Variants in TOPAZ1 observed in about 807,000 individuals in gnomAD.
TOPAZ1 encodes protein TOPAZ1.
In TOPAZ1, 66 loss-of-function variants were observed where a neutral mutation model predicts 172.2. The ratio of observed to expected loss-of-function variants is 0.38; its 90% CI spans 0.31 to 0.47. The LOEUF (loss-of-function observed/expected upper bound fraction) is 0.47. TOPAZ1 is among the 20% of genes least tolerant of loss of function. The pLI is 0.99. For synonymous variants in TOPAZ1, 681 were observed against 683.9 expected (o/e 1.00, Z 0.07); for missense variants, 1,822 against 1,972.4 (o/e 0.92, Z 1.44).
Position 44,244,256 on chromosome 3 carries a change from G to A in TOPAZ1, c.1750G>A (p.Val584Ile). The part of the protein sequence containing the change: ...SVSAVEPTLM[V>I]IKEPIIKDDK... ...TTCTGCAGTAGAACCTACTTTAATG[G>A]TTATAAAGGAACCTATAATCAAGGA... Residue 584 changes from valine to isoleucine, a missense_variant, in exon 2 of 20, where the codon GTT becomes ATT. Physicochemically the swap from Val to Ile is conservative, Grantham distance 29. Around this residue, in one of 2 missense-constraint regions of TOPAZ1, gnomAD observed 1,489 missense variants for 1,490.8 expected, o/e 1.00. Coordinates refer to ENST00000309765, the MANE Select transcript of TOPAZ1 (RefSeq NM_001145030.2). The A allele has an allele frequency of 1.9e-6, 3 of 1,549,398 alleles. No homozygotes were observed. The highest frequency in any genetic ancestry group is 2.6e-6 in the Non-Finnish European group (3 of 1,146,040).
chr3:44,319,364 C>T (rs1293814164), intron 16 of TOPAZ1, among the ~76,000 whole-genome samples: 1 of 151,856 alleles, frequency 6.6e-6, no homozygotes, highest in Non-Finnish European at 1.5e-5. Flanking sequence ...TATATACTTT[C>T]CAAAAAATGT....
At chr3:44,278,349 A>G (rs1019069499) in intron 8 of TOPAZ1, among the ~76,000 whole-genome samples, 1 of 152,122 alleles carries the variant, frequency 6.6e-6, no homozygotes, top group Non-Finnish European at 1.5e-5. Flanking sequence ...CTGTTGTTGT[A>G]GCCTTGTCTG....
At chr3:44,306,962 G>A (rs527927108) in intron 15 of TOPAZ1, among the ~76,000 whole-genome samples, 5 of 152,222 alleles carry the variant, frequency 3.3e-5, no homozygotes, top group Middle Eastern at 3.4e-3. Flanking sequence ...CAACACCTGA[G>A]TATCAGTTAT....
intron 2 of TOPAZ1, among the ~76,000 whole-genome samples, chr3:44,252,712 G>A (rs2125678928): frequency 6.6e-6 from 1 of 152,300 alleles, no homozygotes; most frequent in South Asian, 2.1e-4. Flanking sequence ...CCAGGGATAT[G>A]TTCCAGTAGT....
intron 8 of TOPAZ1, among the ~76,000 whole-genome samples, chr3:44,275,720 GTGGGA>G (rs1699946031): frequency 6.6e-6 from 1 of 151,898 alleles, no homozygotes; most frequent in Admixed American, 6.5e-5. Flanking sequence ...ATACCCAGTA[GTGGGA>G]TTGCTAAATC....
intron 13 of TOPAZ1, 128 bp from the exon 14 acceptor site, chr3:44,305,019 G>A: frequency 1.6e-6 from 1 of 639,662 alleles, no homozygotes; most frequent in South Asian, 2.3e-5. Context: ...TATAAGATGT[G>A]CAGATTTTGT....
rs1235810995 is a variant in TOPAZ1 at position 44,305,263 on chromosome 3, C to T, written c.3981C>T (p.Leu1327=). 4 of 1,544,552 alleles carry T rather than the reference C, an allele frequency of 2.6e-6. No individual in the cohort carries two copies. The highest frequency in any genetic ancestry group is 3.5e-6 in the Non-Finnish European group (4 of 1,145,040). The change falls in exon 14 of 20, where the codon CTC becomes CTT. Residue 1327 remains leucine (L), a synonymous_variant. Transcript: ENST00000309765. ...QTFCACIAET[L]TKNYEDERPD... is the part of the protein sequence containing the mutation. ...TTTGTGCTTGCATTGCTGAAACACT[C>T]ACAAAAAACTATGAAGATGAAAGAC...
chr3:44,306,462 A>T, intron 15 of TOPAZ1, 36 bp downstream of exon 15: 1 of 1,220,864 alleles, frequency 8.2e-7, no homozygotes, highest in Non-Finnish European at 1.2e-6. Context: ...CTTGGTATAG[A>T]GACTACTAGT....
At chr3:44,252,209 G>A (rs1699642129) in intron 2 of TOPAZ1, among the ~76,000 whole-genome samples, 2 of 152,082 alleles carry the variant, frequency 1.3e-5, no homozygotes, top group South Asian at 4.1e-4. Flanking sequence ...GATAATTAGA[G>A]GCCACAGAAG....
chr3:44,292,447 A>G (rs571572976), intron 12 of TOPAZ1, among the ~76,000 whole-genome samples: 1 of 152,326 alleles, frequency 6.6e-6, no homozygotes, highest in East Asian at 1.9e-4. Flanking sequence ...AGTGGCAGCT[A>G]TGGCAGAGAG....
chr3:44,300,721 C>T (rs1213396379), intron 12 of TOPAZ1, among the ~76,000 whole-genome samples: 1 of 151,960 alleles, frequency 6.6e-6, no homozygotes, highest in East Asian at 1.9e-4. Flanking sequence ...TCTCTACAAA[C>T]TAAACATGCA....
intron 19 of TOPAZ1, 133 bp from the exon 20 acceptor site, chr3:44,331,659 G>A: frequency 1.2e-6 from 1 of 801,672 alleles, no homozygotes; most frequent in East Asian, 2.7e-5. Context: ...AAAAAAGTTT[G>A]AAAGCCACTT....
intron 8 of TOPAZ1, among the ~76,000 whole-genome samples, chr3:44,277,088 G>A (rs1421870811): frequency 1.3e-5 from 2 of 152,094 alleles, no homozygotes; most frequent in African/African-American, 4.8e-5. Flanking sequence ...ACCACACCTG[G>A]CCCAGTATGG....
rs372698775 is a variant in TOPAZ1 at position 44,296,270 on chromosome 3, A to C, written c.3797+5384A>C. ...AGCTCCCACCTCACAAAACAAGGAA[A>C]AATAAGAGCAAAATAAACTCAAAGT... is the stretch of plus-strand genomic sequence containing the variant. On this transcript the variant is annotated intron_variant, in intron 12 of 19. Coordinates refer to ENST00000309765, the MANE Select transcript of TOPAZ1 (RefSeq NM_001145030.2). Among the ~76,000 whole-genome samples the C allele has an allele frequency of 7.9e-5, 12 of 152,310 alleles. No individual in the cohort carries two copies. In the East Asian group the frequency reaches 1.9e-3, roughly 24 times the overall value.
chr3:44,245,032 T>G lies in TOPAZ1; in HGVS notation c.2526T>G (p.Thr842=). The change falls in exon 2 of 20, where the codon ACT becomes ACG. Residue 842 remains threonine (T), a synonymous_variant. Coordinates refer to ENST00000309765, the MANE Select transcript of TOPAZ1 (RefSeq NM_001145030.2). ...GTGAAGTTAGGGGTAGAAAAATAAC[T>G]AAGAATTTTTCAGAGGTAGGGTTTC... The part of the protein sequence containing the change: ...VSSEVRGRKI[T]KNFSEVGFPD... The G allele has an allele frequency of 6.4e-7, 1 of 1,551,634 alleles. No individual in the cohort carries two copies. The highest frequency in any genetic ancestry group is 1.2e-5 in the South Asian group (1 of 84,050).
At chr3:44,258,280 A>G (rs1216740273) in intron 4 of TOPAZ1, among the ~76,000 whole-genome samples, 1 of 152,234 alleles carries the variant, frequency 6.6e-6, no homozygotes, top group Non-Finnish European at 1.5e-5. Context: ...TAATGCATAG[A>G]TATCTATCTA....
At chr3:44,288,440 T>C (rs1183337925) in intron 11 of TOPAZ1, among the ~76,000 whole-genome samples, 1 of 152,032 alleles carries the variant, frequency 6.6e-6, no homozygotes, top group Non-Finnish European at 1.5e-5. Context: ...TCCTAACACT[T>C]TGGGAGGCTG....
chr3:44,331,987 G>A lies in TOPAZ1; in HGVS notation c.5055G>A (p.Lys1685=). The A allele has an allele frequency of 1.3e-6, 2 of 1,548,980 alleles. No individual in the cohort carries two copies. Among genetic ancestry groups the A allele is most frequent in the Non-Finnish European group, 1.7e-6 (2 of 1,146,548 alleles). ...WLKENMKWAG[K]VWLFSNH Reference sequence around the variant, plus strand: ...AAGAGAATATGAAGTGGGCTGGAAAGGTTTGGCTTTTCAGTAACCATTAGC... The same window carrying A: ...AAGAGAATATGAAGTGGGCTGGAAAAGTTTGGCTTTTCAGTAACCATTAGC... Residue 1685 remains lysine, a synonymous_variant, in exon 20 of 20, where the codon AAG becomes AAA. Coordinates refer to ENST00000309765, the MANE Select transcript of TOPAZ1 (RefSeq NM_001145030.2).
chr3:44,281,563 T>C (rs1700023941), intron 8 of TOPAZ1, among the ~76,000 whole-genome samples: 1 of 152,204 alleles, frequency 6.6e-6, no homozygotes, highest in Non-Finnish European at 1.5e-5. Context: ...GTTTATGATA[T>C]AAGAAGAGAA....
Sources: allele counts gnomAD v4.1 joint callset (sites outside exome capture counted in the v4.1 genomes callset), GRCh38; gene constraint gnomAD v4.1.1; regional missense constraint gnomAD v4.1.1; transcripts MANE v1.5; gene names NCBI Gene and HGNC (gene_info 2026-07-23, HGNC 2026-07-21).